Variants in PFDN1 observed in about 807,000 individuals in gnomAD.
PFDN1 encodes the protein prefoldin subunit 1.
Under a neutral mutation model 17.3 loss-of-function variants are expected in PFDN1, and 6 were observed. The observed-to-expected ratio is 0.35, with a 90% confidence interval of 0.19 to 0.69. PFDN1 has a LOEUF of 0.69. Among genes scored for constraint, PFDN1 ranks in the 30% least tolerant of loss-of-function variants. PFDN1 has a pLI of 0.65. For missense variants in PFDN1, 113 were observed against 146.2 expected (o/e 0.77, Z 1.17); for synonymous variants, 58 against 50.1 (o/e 1.16, Z -0.67).
chr5:140,292,040 C>T (rs1202786267), intron 2 of PFDN1, among the ~76,000 whole-genome samples: 1 of 152,110 alleles, frequency 6.6e-6, no homozygotes, highest in East Asian at 1.9e-4. Flanking sequence ...AAAACTATTA[C>T]TCCTGAAATG....
At chr5:140,290,643 C>T (rs1320296445) in intron 2 of PFDN1, among the ~76,000 whole-genome samples, 1 of 152,040 alleles carries the variant, frequency 6.6e-6, no homozygotes, top group African/African-American at 2.4e-5. Flanking sequence ...TTAGCAGCAG[C>T]CTGGAGCCAG....
chr5:140,299,888 C>T (rs1049613959), intron 2 of PFDN1, among the ~76,000 whole-genome samples: 10 of 151,254 alleles, frequency 6.6e-5, no homozygotes, highest in African/African-American at 2.2e-4. Context: ...GGCAAGCGCC[C>T]GTAATCCCAG....
At chr5:140,290,447 C>T (rs1171253966) in intron 2 of PFDN1, among the ~76,000 whole-genome samples, 2 of 152,118 alleles carry the variant, frequency 1.3e-5, no homozygotes, top group African/African-American at 2.4e-5. Context: ...GCAGGGCCAG[C>T]GTACCGAAAT....
At chr5:140,291,725 C>T (rs1765585488) in intron 2 of PFDN1, among the ~76,000 whole-genome samples, 2 of 151,486 alleles carry the variant, frequency 1.3e-5, no homozygotes, top group African/African-American at 4.9e-5. Context: ...TTAATATTTA[C>T]AAATGCAAAA....
chr5:140,275,450 A>G (rs866274157), intron 3 of PFDN1, among the ~76,000 whole-genome samples: 1 of 151,992 alleles, frequency 6.6e-6, no homozygotes, highest in Non-Finnish European at 1.5e-5. Flanking sequence ...TATTCTGCTA[A>G]TAAGGAATAT....
At chr5:140,266,073 G>A (rs932672296) in intron 3 of PFDN1, among the ~76,000 whole-genome samples, 4 of 152,058 alleles carry the variant, frequency 2.6e-5, no homozygotes, top group Non-Finnish European at 4.4e-5. Flanking sequence ...TGAAATGCCC[G>A]CCCCTCTCCC....
rs35889345 is a variant in PFDN1 at position 140,276,780 on chromosome 5, C to CAA, written c.285+4667_285+4668dup. ...TGGGTGACAGAGTGAGACACCGTCT[C>CAA]AAAAAAAAAAAAAAAAAAAAAAAAA... is the stretch of plus-strand genomic sequence containing the variant. On this transcript the variant is annotated intron_variant, in intron 3 of 3. Transcript: ENST00000261813. Among the ~76,000 whole-genome samples, 254 of 46,578 alleles carry CAA rather than the reference C, an allele frequency of 5.5e-3. 11 individuals carry two copies. Among genetic ancestry groups the CAA allele is most frequent in the African/African-American group, 7.9e-3 (77 of 9,746 alleles). 30.6% of individuals were successfully genotyped at this position (46,578 alleles called of 152,430 possible).
At chr5:140,256,214 T>A (rs1373055230) in intron 3 of PFDN1, among the ~76,000 whole-genome samples, 5 of 152,062 alleles carry the variant, frequency 3.3e-5, no homozygotes, top group African/African-American at 1.2e-4. Flanking sequence ...CTGCACTCCC[T>A]CTTAGAAACT....
chr5:140,280,014 C>CCAAAAAAAAAAA (rs1335205089), intron 3 of PFDN1, among the ~76,000 whole-genome samples: 5 of 99,108 alleles, frequency 5.0e-5, no homozygotes, highest in African/African-American at 1.5e-4. Context: ...AAAAAAAAAA[C>CCAAAAAAAAAAA]AAAAAAAGAA....
chr5:140,253,695 T>C (rs1321881469), intron 3 of PFDN1, among the ~76,000 whole-genome samples: 2 of 152,202 alleles, frequency 1.3e-5, no homozygotes, highest in African/African-American at 4.8e-5. Context: ...AAAGGGATGA[T>C]GACAAGCCAG....
In PFDN1 at chr5:140,286,980, G is replaced by A. The variant is rs185783569; in HGVS notation, c.201-5447C>T. ...CTAGTCAGGTTAAATACCTTGCCCA[G>A]CTTGTATGTATTAGATTAGAACACT... is the stretch of plus-strand genomic sequence containing the variant. On this transcript the variant is annotated intron_variant, in intron 2 of 3. Coordinates refer to ENST00000261813, the MANE Select transcript of PFDN1 (RefSeq NM_002622.5). 2.6e-5 allele frequency among the ~76,000 whole-genome samples: 4 copies of A among 152,226 alleles called. No individual in the cohort carries two copies. In the East Asian group the frequency reaches 7.7e-4, roughly 29 times the overall value.
chr5:140,292,597 T>G (rs916650380), intron 2 of PFDN1, among the ~76,000 whole-genome samples: 1 of 152,152 alleles, frequency 6.6e-6, no homozygotes, highest in African/African-American at 2.4e-5. Context: ...CCAAGTAATG[T>G]AGTTCATTTC....
At chr5:140,281,617 A>C (rs1056543840) in intron 2 of PFDN1, 84 bp from the exon 3 acceptor site, 3 of 731,440 alleles carry the variant, frequency 4.1e-6, no homozygotes, top group Non-Finnish European at 7.3e-6. Context: ...CAAATATTAA[A>C]CTGAGCAAAT....
intron 3 of PFDN1, among the ~76,000 whole-genome samples, chr5:140,257,872 C>T (rs1056363346): frequency 2.6e-5 from 4 of 152,068 alleles, no homozygotes; most frequent in Non-Finnish European, 4.4e-5. Flanking sequence ...CCATGGTCTT[C>T]GATGGAGGAA....
intron 3 of PFDN1, among the ~76,000 whole-genome samples, chr5:140,258,913 G>A (rs371636432): frequency 6.6e-6 from 1 of 152,312 alleles, no homozygotes; most frequent in East Asian, 1.9e-4. Flanking sequence ...TTGCATAGAC[G>A]TGGTACTTGA....
chr5:140,249,922 CGGGGGTT>C (rs1375062678), intron 3 of PFDN1, among the ~76,000 whole-genome samples: 1 of 152,020 alleles, frequency 6.6e-6, no homozygotes, highest in East Asian at 1.9e-4. Flanking sequence ...AATTTTTTTG[CGGGGGTT>C]GGGGGGGTCT....
At chr5:140,283,525 G>A (rs1460655300) in intron 2 of PFDN1, among the ~76,000 whole-genome samples, 1 of 152,144 alleles carries the variant, frequency 6.6e-6, no homozygotes, top group East Asian at 1.9e-4. Context: ...GAGCCACCAC[G>A]CCCAGCCCAG....
intron 3 of PFDN1, among the ~76,000 whole-genome samples, chr5:140,258,798 G>GGGTTTA (rs1380259262): frequency 6.6e-6 from 1 of 152,190 alleles, no homozygotes; most frequent in Non-Finnish European, 1.5e-5. Context: ...GGAAGATTCT[G>GGGTTTA]AGCTTCGTTT....
chr5:140,269,847 G>A (rs907048464), intron 3 of PFDN1, among the ~76,000 whole-genome samples: 2 of 152,176 alleles, frequency 1.3e-5, no homozygotes, highest in Non-Finnish European at 2.9e-5. Context: ...TTAGCGTACA[G>A]CAAGAGTTAG....
Sources: allele counts gnomAD v4.1 joint callset (sites outside exome capture counted in the v4.1 genomes callset), GRCh38; gene constraint gnomAD v4.1.1; transcripts MANE v1.5; gene names NCBI Gene and HGNC (gene_info 2026-07-23, HGNC 2026-07-21).